Variants in STMN1 observed in about 807,000 individuals in gnomAD.
STMN1 encodes stathmin.
STMN1 carries 3 observed loss-of-function variants against 19.7 expected under a neutral mutation model. That is an observed-to-expected ratio of 0.15 (90% CI 0.07 to 0.39). STMN1 has a LOEUF of 0.39. Ranked by LOEUF, STMN1 falls within the 10% of genes least tolerant of loss-of-function variation. The pLI is 1.00. For synonymous variants in STMN1, 59 were observed against 58.9 expected (o/e 1.00, Z -0.01); for missense variants, 99 against 176.0 (o/e 0.56, Z 2.48).
intron 1 of STMN1, chr1:25,905,152 T>C (rs566998569): frequency 6.5e-6 from 1 of 154,660 alleles, no homozygotes; most frequent in South Asian, 2.0e-4. Context: ...ACCCCTGCTT[T>C]GTCTGTGTCT....
exon 5 of STMN1, chr1:25,885,838 T>G: frequency 2.6e-6 from 4 of 1,551,166 alleles, no homozygotes; most frequent in Non-Finnish European, 3.5e-6. Context: ...CTGTGCTGGG[T>G]GGGCCCCAGG....
downstream of STMN1, among the ~76,000 whole-genome samples, chr1:25,896,663 A>G (rs1471485544): frequency 6.6e-6 from 1 of 152,146 alleles, no homozygotes; most frequent in East Asian, 1.9e-4. Context: ...TGCATTTTGG[A>G]GCTCATCAAA....
chr1:25,901,149 GTCACGA>G (rs2048868565), intron 4 of STMN1, 62 bp from the exon 5 acceptor site: 1 of 1,541,644 alleles, frequency 6.5e-7, no homozygotes. Flanking sequence ...AGCCTGTCAA[GTCACGA>G]CCCCCAGCCC....
chr1:25,884,184 A>G (rs890417369), downstream of STMN1: 3 of 152,216 alleles, frequency 2.0e-5, no homozygotes, highest in African/African-American at 4.8e-5. Context: ...ACATCTTCAA[A>G]CTACAAATTT....
At chr1:25,885,709 T>C (rs1414834263) in exon 5 of STMN1, 1 of 1,546,784 alleles carries the variant, frequency 6.5e-7, no homozygotes, top group Non-Finnish European at 8.7e-7. Context: ...CAACAGCAAA[T>C]ATTTATTAAG....
chr1:25,903,312 GAGC>G (rs1394796560), intron 3 of STMN1: 1 of 204,522 alleles, frequency 4.9e-6, no homozygotes, highest in Non-Finnish European at 9.8e-6. Context: ...AGAGAAGCAT[GAGC>G]TTTGGTTTAA....
intron 4 of STMN1, among the ~76,000 whole-genome samples, chr1:25,894,620 C>CA (rs1401836720): frequency 2.6e-5 from 4 of 152,122 alleles, no homozygotes; most frequent in Admixed American, 6.5e-5. Flanking sequence ...GTTGAGGCTG[C>CA]AGTGAGCTGT....
At chr1:25,904,789 GTCA>G in intron 1 of STMN1, 51 bp from the exon 2 acceptor site, 3 of 1,447,726 alleles carry the variant, frequency 2.1e-6, no homozygotes, top group Non-Finnish European at 2.8e-6. Context: ...CTTTCTATAT[GTCA>G]TCAACCCAAA....
chr1:25,885,656 T>C (rs2048714674), exon 5 of STMN1: 1 of 1,464,858 alleles, frequency 6.8e-7, no homozygotes, highest in African/African-American at 1.4e-5. Context: ...TCAAGGATCC[T>C]CTTGGCCAGA....
Position 25,903,780 on chromosome 1 carries a change from G to A in STMN1, c.47C>T (p.Ser16Leu). 1 of 1,612,734 alleles carries A rather than the reference G, an allele frequency of 6.2e-7. No homozygotes were observed. Among genetic ancestry groups the A allele is most frequent in the Non-Finnish European group, 8.5e-7 (1 of 1,179,738 alleles). The change falls in exon 3 of 5, where the codon TCA becomes TTA. Residue 16 changes from serine (S) to leucine (L), a missense_variant. Physicochemically the swap from Ser to Leu is moderately radical, Grantham distance 145. Around this residue, in one of 3 missense-constraint regions of STMN1, gnomAD observed 37 missense variants for 57.9 expected, o/e 0.64. Transcript: ENST00000455785. ...GAGAATCAGCTCAAAAGCCTGGCCT[G>A]AGGCACGCTTCTCCAGTTCTTTCAC... ...IQVKELEKRASGQAFELILSP... is the reference protein window; with the variant it reads ...IQVKELEKRALGQAFELILSP...
At chr1:25,893,111 T>C (rs1537682) in intron 4 of STMN1, among the ~76,000 whole-genome samples, 84,957 of 152,032 alleles carry the variant, frequency 0.56, 24,016 homozygotes, top group South Asian at 0.74. Context: ...ATTTATATTA[T>C]CTATATTTTA....
In STMN1 at chr1:25,900,703, A is replaced by T. The variant is rs1028863969; in HGVS notation, c.*313T>A. 46 of 1,093,484 alleles carry T rather than the reference A, an allele frequency of 4.2e-5. No individual in the cohort carries two copies. Among genetic ancestry groups the T allele is most frequent in the Non-Finnish European group, 5.1e-5 (46 of 899,648 alleles). 67.7% of individuals were successfully genotyped at this position (1,093,484 alleles called of 1,614,324 possible). A position where few individuals can be genotyped will look rare whatever the true frequency, so the allele number is the denominator to read the frequency against. On this transcript the variant is annotated 3_prime_UTR_variant, in exon 5 of 5. Transcript: ENST00000455785. ...GAAGCCACTACATACTCTTTTCACA[A>T]ATATGTTTTCACAGAGCCAATACAG...
At chr1:25,898,842 CAG>C (rs1383818526), downstream of STMN1, among the ~76,000 whole-genome samples, 2 of 152,212 alleles carry the variant, frequency 1.3e-5, no homozygotes, top group African/African-American at 4.8e-5. Flanking sequence ...AATGCATACC[CAG>C]AGACACTTCC....
At chr1:25,889,257 G>A (rs1280203181) in intron 4 of STMN1, 5 of 241,258 alleles carry the variant, frequency 2.1e-5, no homozygotes, top group South Asian at 5.3e-5. Context: ...TTATGAATGC[G>A]TTGGTTGGCT....
At chr1:25,886,378 G>C (rs2048721068) in intron 4 of STMN1, among the ~76,000 whole-genome samples, 1 of 152,080 alleles carries the variant, frequency 6.6e-6, no homozygotes, top group South Asian at 2.1e-4. Context: ...TCCCCTCTCT[G>C]GGCTTCATTT....
At chr1:25,892,414 C>A (rs2124231662) in intron 4 of STMN1, 270 of 212,090 alleles carry the variant, frequency 1.3e-3, no homozygotes, top group Middle Eastern at 2.4e-3. Flanking sequence ...AATAAAATCT[C>A]TGCCCTGCCT....
At chr1:25,901,205 T>C (rs2048869848) in intron 4 of STMN1, 118 bp from the exon 5 acceptor site, 2 of 1,502,720 alleles carry the variant, frequency 1.3e-6, no homozygotes, top group Non-Finnish European at 1.8e-6. Flanking sequence ...GTGCATATAT[T>C]ACAGCCTGTG....
chr1:25,902,553 T>C (rs564426681), intron 3 of STMN1: 11 of 152,352 alleles, frequency 7.2e-5, no homozygotes, highest in Non-Finnish European at 1.3e-4. Flanking sequence ...TCAAAACACA[T>C]TGGAACCACT....
chr1:25,901,398 C>A, intron 4 of STMN1, 93 bp downstream of exon 4: 1 of 1,428,566 alleles, frequency 7.0e-7, no homozygotes, highest in African/African-American at 1.4e-5. Context: ...GACAAAAAGA[C>A]ACCAAACACC....
Sources: allele counts gnomAD v4.1 joint callset (sites outside exome capture counted in the v4.1 genomes callset), GRCh38; gene constraint gnomAD v4.1.1; regional missense constraint gnomAD v4.1.1; transcripts MANE v1.5; gene names NCBI Gene and HGNC (gene_info 2026-07-23, HGNC 2026-07-21).